The following PAK2 variants were observed in gnomAD, a reference collection of about 807,000 sequenced individuals.
PAK2 encodes p21 (RAC1) activated kinase 2, also known as serine/threonine-protein kinase PAK 2.
In PAK2, 21 loss-of-function variants were observed where a neutral mutation model predicts 65.9. The observed-to-expected ratio is 0.32, with a 90% CI of 0.23 to 0.46. The LOEUF is 0.46. Ranked by LOEUF, PAK2 falls within the 20% of genes least tolerant of loss-of-function variation. The probability of loss-of-function intolerance (pLI) is 1.00; values close to 1 mark genes in which losing one functional copy is unlikely to be tolerated. For missense variants in PAK2, 324 were observed against 642.6 expected (o/e 0.50, Z 5.36); for synonymous variants, 204 against 219.7 (o/e 0.93, Z 0.63).
intron 4 of PAK2, among the ~76,000 whole-genome samples, chr3:196,804,180 A>G (rs774531991): frequency 6.6e-6 from 1 of 152,204 alleles, no homozygotes; most frequent in Non-Finnish European, 1.5e-5. Context: ...AAAATCGTAC[A>G]TGTGGTTTTA....
At chr3:196,753,977 C>T (rs900877784) in intron 1 of PAK2, among the ~76,000 whole-genome samples, 1 of 152,136 alleles carries the variant, frequency 6.6e-6, no homozygotes, top group Non-Finnish European at 1.5e-5. Flanking sequence ...ATTAGGTTGG[C>T]TCACCATTTC....
chr3:196,795,620 C>T (rs1715234740), intron 2 of PAK2, among the ~76,000 whole-genome samples: 1 of 152,068 alleles, frequency 6.6e-6, no homozygotes. Context: ...AGACAAGGGA[C>T]AACATCTTTA....
At chr3:196,753,318 G>A (rs1237384374) in intron 1 of PAK2, among the ~76,000 whole-genome samples, 3 of 151,904 alleles carry the variant, frequency 2.0e-5, no homozygotes, top group Non-Finnish European at 4.4e-5. Context: ...GTGCAGTGGT[G>A]CAACCTCAGC....
chr3:196,811,244 C>T (rs59098210), intron 8 of PAK2, among the ~76,000 whole-genome samples: 131 of 20,830 alleles, frequency 6.3e-3, no homozygotes, highest in Middle Eastern at 0.021. Flanking sequence ...CCTTCCTTCC[C>T]TCCCTCCCCT....
intron 1 of PAK2, among the ~76,000 whole-genome samples, chr3:196,742,547 A>G (rs1713235287): frequency 6.6e-6 from 1 of 152,192 alleles, no homozygotes; most frequent in African/African-American, 2.4e-5. Context: ...ATCAAAATCG[A>G]TTATTATTAT....
At chr3:196,788,839 G>A (rs148921772) in intron 2 of PAK2, among the ~76,000 whole-genome samples, 2,326 of 152,264 alleles carry the variant, frequency 0.015, 104 homozygotes, top group Admixed American at 0.097. Flanking sequence ...GCTGAGTGCC[G>A]CCCGGTGTTA....
intron 1 of PAK2, among the ~76,000 whole-genome samples, chr3:196,762,251 G>A (rs1219466135): frequency 3.6e-5 from 4 of 110,862 alleles, no homozygotes; most frequent in Non-Finnish European, 6.2e-5. Context: ...CATCCCAGAC[G>A]ATGGGCGGCC....
At chr3:196,751,738 TTTC>T (rs1275585811) in intron 1 of PAK2, among the ~76,000 whole-genome samples, 8 of 91,596 alleles carry the variant, frequency 8.7e-5, no homozygotes, top group Admixed American at 2.1e-4. Flanking sequence ...CACAAATGAA[TTTC>T]TTTTTTTTTT....
chr3:196,750,667 T>G (rs1713544888), intron 1 of PAK2, among the ~76,000 whole-genome samples: 1 of 152,104 alleles, frequency 6.6e-6, no homozygotes, highest in Non-Finnish European at 1.5e-5. Flanking sequence ...TTGCGTGTAG[T>G]TTATTTTTGC....
intron 2 of PAK2, among the ~76,000 whole-genome samples, chr3:196,787,443 G>A (rs1714926901): frequency 6.6e-6 from 1 of 152,066 alleles, no homozygotes; most frequent in Non-Finnish European, 1.5e-5. Context: ...GCCAGGCATG[G>A]TGGCAGGTGC....
rs73891516 is a variant in PAK2 at position 196,806,653 on chromosome 3, C to G, written c.543C>G (p.Pro181=). 1.2e-6 allele frequency: 2 copies of G among 1,610,966 alleles called. No homozygotes were observed. The highest frequency in any genetic ancestry group is 1.7e-6 in the Non-Finnish European group (2 of 1,177,320). The change falls in exon 6 of 15, where the codon CCC becomes CCG. Residue 181 remains proline, a synonymous_variant. Coordinates refer to ENST00000327134, the MANE Select transcript of PAK2 (RefSeq NM_002577.4). The part of the protein sequence containing the change: ...EEDDDEETAP[P]VIAPRPDHTK... ...ATGATGATGAAGAGACTGCTCCTCC[C>G]GTTATTGCCCCGCGACCGGATCATA...
chr3:196,802,950 A>G lies in PAK2; in HGVS notation c.289-67A>G, dbSNP rs78187178. ...GTTTGTTTTGTGTATTTTGTCATTTATCTCTGGAAATTAATTTTATTGCAT... is the reference window on the plus strand; with the variant it reads ...GTTTGTTTTGTGTATTTTGTCATTTGTCTCTGGAAATTAATTTTATTGCAT... On this transcript the variant is annotated intron_variant, in intron 3 of 14. Transcript: ENST00000327134. 3.5e-3 allele frequency: 3,730 copies of G among 1,061,936 alleles called. 98 individuals carry two copies. The African/African-American group carries it at 0.056, about 16-fold the overall frequency. 65.8% of individuals were successfully genotyped at this position (1,061,936 alleles called of 1,614,324 possible).
In PAK2 at chr3:196,807,774, C is replaced by T. The variant is rs200931797; in HGVS notation, c.577-8C>T. ...CTCAAACCTTGGTAATGAACTGTGTCTCCACAGATTTACACACGGTCTGTA... is the reference window on the plus strand; with the variant it reads ...CTCAAACCTTGGTAATGAACTGTGTTTCCACAGATTTACACACGGTCTGTA... On this transcript the variant is annotated splice_polypyrimidine_tract_variant and splice_region_variant and intron_variant, in intron 6 of 14. Transcript: ENST00000327134. 5.8e-6 allele frequency: 9 copies of T among 1,545,200 alleles called. 1 individual carries two copies. The Middle Eastern group carries it at 8.7e-4, about 150-fold the overall frequency.
intron 4 of PAK2, 122 bp downstream of exon 4, chr3:196,803,286 G>T (rs1715478054): frequency 7.8e-6 from 6 of 768,716 alleles, no homozygotes; most frequent in Admixed American, 3.0e-5. Context: ...TTTTTCCCTG[G>T]ATAGATTCTA....
chr3:196,786,915 C>T (rs1714908402), intron 2 of PAK2, among the ~76,000 whole-genome samples: 1 of 151,830 alleles, frequency 6.6e-6, no homozygotes, highest in Non-Finnish European at 1.5e-5. Flanking sequence ...ACCTCCACCT[C>T]CCAGATTCAA....
At chr3:196,740,589 CTG>C (rs1466324238) in intron 1 of PAK2, among the ~76,000 whole-genome samples, 1 of 152,186 alleles carries the variant, frequency 6.6e-6, no homozygotes, top group Non-Finnish European at 1.5e-5. Context: ...TGCTCGCTCT[CTG>C]TTCACCCGTT....
chr3:196,742,022 G>A (rs1294191165), intron 1 of PAK2, among the ~76,000 whole-genome samples: 1 of 151,948 alleles, frequency 6.6e-6, no homozygotes, highest in Non-Finnish European at 1.5e-5. Flanking sequence ...TTTATAGTTC[G>A]AGTATACAGG....
rs1188314284 is a variant in PAK2, at chr3:196,820,879, G to T, written c.1350+312G>T. 1.3e-5 allele frequency among the ~76,000 whole-genome samples: 2 copies of T among 152,068 alleles called. No individual in the cohort carries two copies. Among genetic ancestry groups the T allele is most frequent in the African/African-American group, 4.8e-5 (2 of 41,424 alleles). ...TTTTGAGACAGGGTCCCACTCTCTTGCCTATTCTAGAATGCAGTGGCGCAA... is the reference window on the plus strand; with the variant it reads ...TTTTGAGACAGGGTCCCACTCTCTTTCCTATTCTAGAATGCAGTGGCGCAA... On this transcript the variant is annotated intron_variant, in intron 13 of 14. Transcript: ENST00000327134. This position sits in a 1 kb window ranked among gnomAD's most constrained non-coding sequence, Gnocchi z 4.6.
At chr3:196,761,793 C>G (rs1713977145) in intron 1 of PAK2, among the ~76,000 whole-genome samples, 1 of 147,224 alleles carries the variant, frequency 6.8e-6, no homozygotes, top group African/African-American at 2.5e-5. Context: ...GGGCTGACCC[C>G]CACCTCCCTC....
Sources: gnomAD v4.1 joint callset for allele counts (sites outside exome capture counted in the v4.1 genomes callset) on GRCh38, gnomAD v4.1.1 for gene constraint, Gnocchi (gnomAD v3.1) non-coding constraint, MANE v1.5 for transcripts, NCBI Gene and HGNC (gene_info 2026-07-23, HGNC 2026-07-21) for gene names.